The following IGSF5 variants were observed in gnomAD, a reference collection of about 807,000 sequenced individuals.
IGSF5 encodes immunoglobulin superfamily member 5.
A neutral mutation model predicts 39.4 loss-of-function variants in IGSF5; 41 were observed. The observed-to-expected ratio is 1.04, with a 90% CI of 0.81 to 1.35. IGSF5 has a LOEUF of 1.35. Ranked by LOEUF, IGSF5 falls within the 40% of genes most tolerant of loss-of-function variation. The pLI is 0.00. For missense variants in IGSF5, 487 were observed against 494.6 expected, an observed-to-expected ratio of 0.98 and a Z score of 0.15; for synonymous variants, 183 against 175.3, an observed-to-expected ratio of 1.04 and a Z score of -0.34.
At chr21:39,769,467 C>CAA (rs34427585) in intron 3 of IGSF5, among the ~76,000 whole-genome samples, 188 of 79,416 alleles carry the variant, frequency 2.4e-3, no homozygotes, top group Middle Eastern at 7.2e-3. Context: ...AAGTCTGTCT[C>CAA]AAAAAAAAAA....
At chr21:39,729,195 A>C in the IGSF5 span, 1 of 152,224 alleles carries the variant, frequency 6.6e-6, no homozygotes, top group Non-Finnish European at 1.5e-5. Context: ...CCTCCTGTCT[A>C]CTTGCTCTGC....
chr21:39,767,082 A>G (rs1296425642), intron 3 of IGSF5, among the ~76,000 whole-genome samples: 1 of 152,240 alleles, frequency 6.6e-6, no homozygotes, highest in Non-Finnish European at 1.5e-5. Context: ...AAGTGATTTT[A>G]TAAGGCTATT....
At chr21:39,726,881 G>A in the IGSF5 span, among the ~76,000 whole-genome samples, 1 of 152,028 alleles carries the variant, frequency 6.6e-6, no homozygotes, top group Non-Finnish European at 1.5e-5. Flanking sequence ...ATGCATGACT[G>A]TGGGATCCAC....
At position 39,801,345 on chromosome 21, in the gene IGSF5, A is replaced by G; in HGVS notation, c.1212A>G (p.Thr404=). The G allele has an allele frequency of 3.7e-6, 6 of 1,612,882 alleles. No homozygotes were observed. The highest frequency in any genetic ancestry group is 5.1e-6 in the Non-Finnish European group (6 of 1,178,916). The change falls in exon 9 of 9, where the codon ACA becomes ACG. Residue 404 remains threonine, a synonymous_variant. Transcript: ENST00000380588. Reference sequence around the variant, plus strand: ...CCAGTCCTGAGAAGGTCAGTAATACAACTGTAGTATAGCAAAGCCTTCCCC... The same window carrying G: ...CCAGTCCTGAGAAGGTCAGTAATACGACTGTAGTATAGCAAAGCCTTCCCC... ...NLASPEKVSN[T]TVV
intron 5 of IGSF5, among the ~76,000 whole-genome samples, chr21:39,780,299 A>G (rs931865565): frequency 2.0e-5 from 3 of 152,196 alleles, no homozygotes; most frequent in Admixed American, 2.0e-4. Flanking sequence ...GAAGAAAAGG[A>G]CTTTCTTAAG....
the IGSF5 span, chr21:39,729,632 T>G: frequency 6.6e-6 from 1 of 152,188 alleles, no homozygotes; most frequent in East Asian, 1.9e-4. Flanking sequence ...GCGAGAATAC[T>G]GTGAAAGGAG....
the IGSF5 span, among the ~76,000 whole-genome samples, chr21:39,736,006 T>A: frequency 6.6e-6 from 1 of 151,738 alleles, no homozygotes; most frequent in Non-Finnish European, 1.5e-5. Context: ...ACTGTGTGCT[T>A]GGGCCTGGCC....
intron 3 of IGSF5, among the ~76,000 whole-genome samples, chr21:39,766,901 T>C (rs1285412815): frequency 6.6e-6 from 1 of 152,216 alleles, no homozygotes; most frequent in East Asian, 1.9e-4. Flanking sequence ...CATATTTATG[T>C]TGCTATTAAA....
chr21:39,713,223 T>C, the IGSF5 span, among the ~76,000 whole-genome samples: 2 of 152,266 alleles, frequency 1.3e-5, no homozygotes, highest in African/African-American at 4.8e-5. Flanking sequence ...CAGGGCTGGG[T>C]GTGGGAGAGT....
chr21:39,730,540 AG>A, the IGSF5 span: 1 of 152,164 alleles, frequency 6.6e-6, no homozygotes, highest in Non-Finnish European at 1.5e-5. Flanking sequence ...GAAGCAAGAA[AG>A]ATTCCACGAC....
intron 8 of IGSF5, among the ~76,000 whole-genome samples, chr21:39,795,415 G>A (rs999982563): frequency 5.9e-5 from 9 of 152,038 alleles, no homozygotes; most frequent in African/African-American, 2.2e-4. Context: ...CCCTTCCGTG[G>A]TTATCTTTGT....
chr21:39,723,521 T>A, the IGSF5 span, among the ~76,000 whole-genome samples: 2 of 152,168 alleles, frequency 1.3e-5, no homozygotes, highest in Non-Finnish European at 2.9e-5. Flanking sequence ...AGAGTATGAT[T>A]ACTGGAGGCA....
At chr21:39,716,629 A>G in the IGSF5 span, among the ~76,000 whole-genome samples, 40 of 152,318 alleles carry the variant, frequency 2.6e-4, no homozygotes, top group African/African-American at 8.4e-4. Flanking sequence ...TTAGTTTGCT[A>G]AGGATGATAG....
the IGSF5 span, among the ~76,000 whole-genome samples, chr21:39,712,870 T>C: frequency 6.6e-6 from 1 of 152,166 alleles, no homozygotes; most frequent in African/African-American, 2.4e-5. Flanking sequence ...GAATTTTTCT[T>C]CTTGTAAGTC....
At chr21:39,735,573 T>A in the IGSF5 span, among the ~76,000 whole-genome samples, 1 of 152,190 alleles carries the variant, frequency 6.6e-6, no homozygotes, top group Non-Finnish European at 1.5e-5. Context: ...TCAAAAGCCT[T>A]TTGTTAAAGG....
At chr21:39,751,842 C>T (rs1394821174) in intron 2 of IGSF5, among the ~76,000 whole-genome samples, 1 of 151,974 alleles carries the variant, frequency 6.6e-6, no homozygotes, top group Non-Finnish European at 1.5e-5. Context: ...TAGAATTCTC[C>T]CAAAGTCTCT....
At chr21:39,736,832 C>T in the IGSF5 span, among the ~76,000 whole-genome samples, 1 of 152,318 alleles carries the variant, frequency 6.6e-6, no homozygotes, top group African/African-American at 2.4e-5. Context: ...GGCCGGGCAT[C>T]TTGGTGAGGG....
intron 2 of IGSF5, among the ~76,000 whole-genome samples, chr21:39,756,039 C>A (rs1055102734): frequency 6.6e-6 from 1 of 152,124 alleles, no homozygotes; most frequent in Non-Finnish European, 1.5e-5. Flanking sequence ...TGCAGTGAGC[C>A]GAGATCGTGC....
Position 39,801,465 on chromosome 21 carries a change from C to T in IGSF5, c.*108C>T, listed in dbSNP as rs2146298871. The T allele has an allele frequency of 1.3e-6, 1 of 749,308 alleles. No homozygotes were observed. The highest frequency in any genetic ancestry group is 2.3e-6 in the Non-Finnish European group (1 of 442,124). 46.4% of individuals were successfully genotyped at this position (749,308 alleles called of 1,614,324 possible). A position where few individuals can be genotyped will look rare whatever the true frequency, so the allele number is the denominator to read the frequency against. ...TGGCCTGCAGCTTTGCCAACATTAC[C>T]TGAAGAGGAGATGTCGGAGTCATCA... On this transcript the variant is annotated 3_prime_UTR_variant, in exon 9 of 9. Transcript: ENST00000380588.
Sources: gnomAD v4.1 joint callset for allele counts (sites outside exome capture counted in the v4.1 genomes callset) on GRCh38, gnomAD v4.1.1 for gene constraint, MANE v1.5 for transcripts, NCBI Gene and HGNC (gene_info 2026-07-23, HGNC 2026-07-21) for gene names.